Variants in EXOC4 observed in about 807,000 individuals in gnomAD.
EXOC4 encodes exocyst complex component 4, also known as SEC8-like 1.
In EXOC4, 71 loss-of-function variants were observed where a neutral mutation model predicts 107.2. The observed-to-expected ratio is 0.66, with a 90% CI of 0.55 to 0.81. EXOC4 has a LOEUF of 0.81. Ranked by LOEUF, EXOC4 falls within the 30% of genes least tolerant of loss-of-function variation. EXOC4 has a pLI of 0.00. For synonymous variants in EXOC4, 456 were observed against 441.2 expected, an observed-to-expected ratio of 1.03 and a Z score of -0.42; for missense variants, 1,108 against 1,189.6, an observed-to-expected ratio of 0.93 and a Z score of 1.01.
chr7:133,368,997 A>G (rs1274980908), intron 6 of EXOC4, among the ~76,000 whole-genome samples: 2 of 152,130 alleles, frequency 1.3e-5, no homozygotes, highest in Admixed American at 1.3e-4. Context: ...TAGCTGCAAC[A>G]TAATGTTTTA....
rs143833610 is a variant in EXOC4, at chr7:133,961,681, G to A, written c.2206+23612G>A. Among the ~76,000 whole-genome samples, 500 of 152,262 alleles carry A rather than the reference G, an allele frequency of 3.3e-3. 2 individuals carry two copies. The highest frequency in any genetic ancestry group is 0.012 in the African/African-American group (486 of 41,548). On this transcript the variant is annotated intron_variant, in intron 14 of 17. Coordinates refer to ENST00000253861, the MANE Select transcript of EXOC4 (RefSeq NM_021807.4). ...TACATGGTAATGTCACAGCAGCACT[G>A]GGAAGCTAACACAGTAAGTATTAAT...
intron 9 of EXOC4, among the ~76,000 whole-genome samples, chr7:133,530,429 T>A (rs1460000554): frequency 2.0e-5 from 3 of 152,194 alleles, no homozygotes; most frequent in African/African-American, 7.2e-5. Context: ...CTTTTGCTCC[T>A]AGAGCACACA....
At chr7:134,080,878 C>T in the EXOC4 span, among the ~76,000 whole-genome samples, 8 of 152,004 alleles carry the variant, frequency 5.3e-5, no homozygotes, top group African/African-American at 1.7e-4. Flanking sequence ...CCCAGAAGTT[C>T]GGGGTTGAAT....
intron 10 of EXOC4, among the ~76,000 whole-genome samples, chr7:133,710,390 GTGGCTCACGCC>G (rs1407715124): frequency 6.6e-6 from 1 of 152,164 alleles, no homozygotes; most frequent in African/African-American, 2.4e-5. Flanking sequence ...GCCGGGCGCG[GTGGCTCACGCC>G]TGTAATCCCA....
chr7:133,839,804 A>T (rs999476156), intron 11 of EXOC4, among the ~76,000 whole-genome samples: 1 of 152,210 alleles, frequency 6.6e-6, no homozygotes, highest in Non-Finnish European at 1.5e-5. Flanking sequence ...TAAGTATTAC[A>T]CTTGAAAGTT....
chr7:133,264,231 A>T (rs967620947), intron 1 of EXOC4, among the ~76,000 whole-genome samples: 2 of 152,182 alleles, frequency 1.3e-5, no homozygotes, highest in Admixed American at 1.3e-4. Context: ...GGTCCCCAGA[A>T]GTGTTCTATA....
chr7:133,705,637 GGCC>G (rs547543668), intron 10 of EXOC4, among the ~76,000 whole-genome samples: 287 of 152,152 alleles, frequency 1.9e-3, no homozygotes, highest in African/African-American at 6.6e-3. Context: ...TGGACTCTGG[GGCC>G]ATTATTAAGT....
At chr7:133,494,834 T>G (rs181692895) in intron 9 of EXOC4, among the ~76,000 whole-genome samples, 45 of 152,338 alleles carry the variant, frequency 3.0e-4, no homozygotes, top group Admixed American at 1.9e-3. Flanking sequence ...CCAAGAGGAA[T>G]AATTAGCTCT....
intron 5 of EXOC4, among the ~76,000 whole-genome samples, chr7:133,326,743 A>T (rs879661372): frequency 3.9e-5 from 6 of 152,176 alleles, no homozygotes; most frequent in Admixed American, 3.9e-4. Context: ...GCTGTCAGAC[A>T]GGGACATTTA....
intron 13 of EXOC4, among the ~76,000 whole-genome samples, chr7:133,929,511 CT>C (rs1563060828): frequency 6.6e-6 from 1 of 151,988 alleles, no homozygotes; most frequent in African/African-American, 2.4e-5. Flanking sequence ...GCCATTTTCA[CT>C]TTTTTGCCAA....
rs1056840469 is a variant in EXOC4 at position 133,504,020 on chromosome 7, C to T, written c.1417+23882C>T. Among the ~76,000 whole-genome samples, 6 of 151,854 alleles carry T rather than the reference C, an allele frequency of 4.0e-5. No individual in the cohort carries two copies. The South Asian group carries it at 6.2e-4, about 16-fold the overall frequency. ...ATATATATATGTATACATACACACA[C>T]GTATACACACACACACACTCACAAA... On this transcript the variant is annotated intron_variant, in intron 9 of 17. Coordinates refer to ENST00000253861, the MANE Select transcript of EXOC4 (RefSeq NM_021807.4).
At chr7:133,995,317 T>A (rs1249214187) in intron 14 of EXOC4, among the ~76,000 whole-genome samples, 4 of 152,228 alleles carry the variant, frequency 2.6e-5, no homozygotes, top group African/African-American at 9.6e-5. Flanking sequence ...TCTATTAGTA[T>A]AGCTTTGGAC....
At chr7:133,442,527 C>T (rs1041797559) in intron 7 of EXOC4, among the ~76,000 whole-genome samples, 6 of 152,068 alleles carry the variant, frequency 3.9e-5, no homozygotes, top group South Asian at 2.1e-4. Context: ...GAAACACCCT[C>T]GAGGCATGAA....
At chr7:133,818,100 AAAAAT>A (rs1369240469) in intron 11 of EXOC4, among the ~76,000 whole-genome samples, 7 of 152,242 alleles carry the variant, frequency 4.6e-5, no homozygotes, top group African/African-American at 1.4e-4. Context: ...TAGCATCAGA[AAAAAT>A]AAAATAATCT....
At position 133,713,447 on chromosome 7, in the gene EXOC4, G is replaced by A. The variant is rs142543648; in HGVS notation, c.1514+83306G>A. 2.0e-3 allele frequency among the ~76,000 whole-genome samples: 301 copies of A among 152,166 alleles called. 2 individuals are homozygous for A. Among genetic ancestry groups the A allele is most frequent in the African/African-American group, 6.8e-3 (283 of 41,506 alleles). On this transcript the variant is annotated intron_variant, in intron 10 of 17. Transcript: ENST00000253861. ...TTCATAAGAGCTTGCTGTGCTATAG[G>A]CATTATGTTAGTCTTGGGGATATAA...
At chr7:134,046,994 C>T (rs1179493975) in intron 17 of EXOC4, among the ~76,000 whole-genome samples, 1 of 152,206 alleles carries the variant, frequency 6.6e-6, no homozygotes, top group Non-Finnish European at 1.5e-5. Flanking sequence ...CAGCCTCTGC[C>T]ATTAACACGC....
At chr7:133,316,046 T>A (rs1241533266) in intron 4 of EXOC4, among the ~76,000 whole-genome samples, 1 of 152,212 alleles carries the variant, frequency 6.6e-6, no homozygotes, top group East Asian at 1.9e-4. Context: ...AATAAAACCT[T>A]ATGTGATAAT....
chr7:133,666,958 C>T (rs981290693), intron 10 of EXOC4, among the ~76,000 whole-genome samples: 3 of 152,108 alleles, frequency 2.0e-5, no homozygotes, highest in Non-Finnish European at 2.9e-5. Context: ...GTGGTGAAGT[C>T]TGGACTTTTC....
At chr7:133,314,042 TTTTTA>T (rs1448823325) in intron 4 of EXOC4, among the ~76,000 whole-genome samples, 1 of 152,160 alleles carries the variant, frequency 6.6e-6, no homozygotes, top group Non-Finnish European at 1.5e-5. Context: ...AACGTTATAA[TTTTTA>T]TTTTATTTTT....
Sources: gnomAD v4.1 joint callset for allele counts (sites outside exome capture counted in the v4.1 genomes callset) on GRCh38, gnomAD v4.1.1 for gene constraint, MANE v1.5 for transcripts, NCBI Gene and HGNC (gene_info 2026-07-23, HGNC 2026-07-21) for gene names.